The following ELK3 variants were observed in gnomAD, a reference collection of about 807,000 sequenced individuals.
ELK3 encodes the protein ETS domain-containing protein Elk-3.
A neutral mutation model predicts 28.9 loss-of-function variants in ELK3; 10 were observed. The observed-to-expected ratio is 0.35, with a 90% confidence interval of 0.21 to 0.59. The LOEUF (loss-of-function observed/expected upper bound fraction) is 0.59. Ranked by LOEUF, ELK3 falls within the 20% of genes least tolerant of loss-of-function variation. The pLI is 0.82. For missense variants in ELK3, 463 were observed against 517.3 expected (o/e 0.90, Z 1.02); for synonymous variants, 272 against 243.5 (o/e 1.12, Z -1.09).
At chr12:96,235,331 C>T (rs542301373) in intron 2 of ELK3, among the ~76,000 whole-genome samples, 2 of 151,780 alleles carry the variant, frequency 1.3e-5, no homozygotes, top group African/African-American at 4.8e-5. Flanking sequence ...TGGTGATGGC[C>T]GTGTCTGTTC....
intron 4 of ELK3, 135 bp from the exon 5 acceptor site, chr12:96,266,947 T>TACA (rs1449338394): frequency 6.8e-6 from 4 of 586,362 alleles, no homozygotes; most frequent in Non-Finnish European, 1.1e-5. Flanking sequence ...TTCTGTAAAA[T>TACA]ACATTGGCAA....
At chr12:96,254,721 A>G (rs1951934579) in intron 3 of ELK3, among the ~76,000 whole-genome samples, 1 of 152,002 alleles carries the variant, frequency 6.6e-6, no homozygotes, top group African/African-American at 2.4e-5. Context: ...CAGGTGCAAT[A>G]CAAAAGGAAT....
chr12:96,210,955 CTGGGGGCATATGCGCGTTG>C, intron 1 of ELK3, among the ~76,000 whole-genome samples: 1 of 152,332 alleles, frequency 6.6e-6, no homozygotes, highest in South Asian at 2.1e-4. Flanking sequence ...GAAGCCTCTA[CTGGGGGCATATGCGCGTTG>C]ATTAAGAACC....
intron 3 of ELK3, among the ~76,000 whole-genome samples, chr12:96,254,912 G>A (rs560033909): frequency 4.0e-4 from 61 of 152,200 alleles, no homozygotes; most frequent in Non-Finnish European, 7.2e-4. Flanking sequence ...CTTGAGGCAA[G>A]GCATAGATAC....
chr12:96,234,904 T>C (rs1489549330), intron 2 of ELK3, among the ~76,000 whole-genome samples: 2 of 152,198 alleles, frequency 1.3e-5, no homozygotes, highest in East Asian at 3.8e-4. Context: ...GAGTCCTGTA[T>C]GCCCAGTACT....
intron 3 of ELK3, among the ~76,000 whole-genome samples, chr12:96,254,637 T>A (rs1008764259): frequency 6.6e-6 from 1 of 151,982 alleles, no homozygotes; most frequent in African/African-American, 2.4e-5. Flanking sequence ...TGTTTGGAGC[T>A]GGGGCTACAA....
Position 96,247,022 on chromosome 12 carries a change from C to G in ELK3, c.290C>G (p.Ala97Gly), listed in dbSNP as rs765550323. ...FPEILKMDPH[A>G]VEISRESLLL... ...GAGATCCTGAAGATGGATCCTCACG[C>G]GGTGGAGATCAGCCGGGAGAGCCTT... The change falls in exon 3 of 5, where the codon GCG becomes GGG. Residue 97 changes from alanine to glycine, a missense_variant. Transcript: ENST00000228741. The surrounding 1 kb of genome is among the most constrained non-coding windows in gnomAD (Gnocchi z 5.5). 1 of 1,614,172 alleles carries G rather than the reference C, an allele frequency of 6.2e-7. No homozygotes were observed. Among genetic ancestry groups the G allele is most frequent in the Non-Finnish European group, 8.5e-7 (1 of 1,180,016 alleles).
intron 2 of ELK3, among the ~76,000 whole-genome samples, chr12:96,230,290 C>T (rs554199547): frequency 1.6e-4 from 24 of 152,228 alleles, no homozygotes; most frequent in Non-Finnish European, 2.6e-4. Flanking sequence ...CTATGATGCT[C>T]GCACAACAAC....
At chr12:96,264,539 T>A (rs917150192) in intron 4 of ELK3, among the ~76,000 whole-genome samples, 2 of 152,056 alleles carry the variant, frequency 1.3e-5, no homozygotes, top group Non-Finnish European at 2.9e-5. Context: ...TCCCAGCACT[T>A]TGGGAGGGTG....
At position 96,247,001 on chromosome 12, in the gene ELK3, T is replaced by A; in HGVS notation, c.269T>A (p.Ile90Asn). The A allele has an allele frequency of 6.2e-7, 1 of 1,613,720 alleles. No individual in the cohort carries two copies. Among genetic ancestry groups the A allele is most frequent in the Non-Finnish European group, 8.5e-7 (1 of 1,179,712 alleles). Residue 90 changes from isoleucine (I) to asparagine (N), a missense_variant, in exon 3 of 5, where the codon ATC becomes AAC. Ile to Asn is a moderately radical substitution (Grantham distance 149). Transcript: ENST00000228741. The surrounding 1 kb of genome is among the most constrained non-coding windows in gnomAD (Gnocchi z 5.5). ...TACAAGTTTGTCTCTTTCCCGGAGA[T>A]CCTGAAGATGGATCCTCACGCGGTG... Reference protein sequence around the residue: ...FVYKFVSFPEILKMDPHAVEI... With the variant: ...FVYKFVSFPENLKMDPHAVEI...
At chr12:96,215,326 G>T (rs528830377) in intron 1 of ELK3, among the ~76,000 whole-genome samples, 31 of 152,284 alleles carry the variant, frequency 2.0e-4, no homozygotes, top group African/African-American at 6.7e-4. Flanking sequence ...TGCATAAGGG[G>T]TCTGTGCGGC....
intron 1 of ELK3, among the ~76,000 whole-genome samples, chr12:96,214,897 A>G (rs1254418097): frequency 6.6e-6 from 1 of 152,232 alleles, no homozygotes; most frequent in Non-Finnish European, 1.5e-5. Flanking sequence ...GTCTTAGACA[A>G]TGATAGTATC....
At chr12:96,231,736 G>A (rs1163784312) in intron 2 of ELK3, among the ~76,000 whole-genome samples, 4 of 152,178 alleles carry the variant, frequency 2.6e-5, no homozygotes, top group Middle Eastern at 3.4e-3. Flanking sequence ...TGCTCGCCTC[G>A]GCCTCCCAAA....
At chr12:96,248,272 A>G in intron 3 of ELK3, among the ~76,000 whole-genome samples, 1 of 152,174 alleles carries the variant, frequency 6.6e-6, no homozygotes, top group East Asian at 1.9e-4. Context: ...AAGCAGCACT[A>G]CTCTGAGAAA....
rs190510967 is a variant in ELK3 at position 96,215,392 on chromosome 12, G to T, written c.-2-8173G>T. 3.8e-3 allele frequency among the ~76,000 whole-genome samples: 581 copies of T among 152,304 alleles called. 7 individuals are homozygous for T. The highest frequency in any genetic ancestry group is 0.013 in the African/African-American group (537 of 41,558). On this transcript the variant is annotated intron_variant, in intron 1 of 4. Coordinates refer to ENST00000228741, the MANE Select transcript of ELK3 (RefSeq NM_005230.4). ...CTTGTGGCCGACAGGAAGGAGGTCA[G>T]CTTCCAAGAAGAGGCCAGTAGCTTT...
chr12:96,239,059 G>C (rs1951802377), intron 2 of ELK3, among the ~76,000 whole-genome samples: 1 of 152,062 alleles, frequency 6.6e-6, no homozygotes, highest in African/African-American at 2.4e-5. Context: ...GGGCTAGTCA[G>C]CTTTTTAGTT....
intron 4 of ELK3, among the ~76,000 whole-genome samples, chr12:96,260,641 T>G (rs1281858455): frequency 1.3e-5 from 2 of 152,188 alleles, no homozygotes; most frequent in Admixed American, 6.5e-5. Context: ...ATTTCCTCCT[T>G]GAGACCCATA....
chr12:96,209,564 T>G (rs1193230952), intron 1 of ELK3, among the ~76,000 whole-genome samples: 1 of 152,224 alleles, frequency 6.6e-6, no homozygotes, highest in Non-Finnish European at 1.5e-5. Context: ...TCAGAAAGAT[T>G]AGGGTTTCAT....
At chr12:96,201,941 A>G (rs1284433564) in intron 1 of ELK3, among the ~76,000 whole-genome samples, 1 of 152,114 alleles carries the variant, frequency 6.6e-6, no homozygotes, top group Non-Finnish European at 1.5e-5. Context: ...ACTGATTTCT[A>G]ATGACCCACA....
Sources: gnomAD v4.1 joint callset for allele counts (sites outside exome capture counted in the v4.1 genomes callset) on GRCh38, gnomAD v4.1.1 for gene constraint, Gnocchi (gnomAD v3.1) non-coding constraint, MANE v1.5 for transcripts, NCBI Gene and HGNC (gene_info 2026-07-23, HGNC 2026-07-21) for gene names.